The following TMEM232 variants were observed in gnomAD, a reference collection of about 807,000 sequenced individuals.
TMEM232 encodes the protein transmembrane protein 232.
A neutral mutation model predicts 78.8 loss-of-function variants in TMEM232; 80 were observed. That is an observed-to-expected ratio of 1.01 (90% CI 0.85 to 1.22). The LOEUF is 1.22. TMEM232 is among the 50% of genes most tolerant of loss of function. The probability of loss-of-function intolerance (pLI) is 0.00; values close to 1 mark genes in which losing one functional copy is unlikely to be tolerated. For synonymous variants in TMEM232, 297 were observed against 254.3 expected, an observed-to-expected ratio of 1.17 and a Z score of -1.60; for missense variants, 881 against 742.2, an observed-to-expected ratio of 1.19 and a Z score of -2.17.
At chr5:110,694,487 A>C (rs943203906) in intron 1 of TMEM232, among the ~76,000 whole-genome samples, 1 of 152,310 alleles carries the variant, frequency 6.6e-6, no homozygotes. Flanking sequence ...GCTAAATGCT[A>C]CAATTAAAAG....
Position 110,673,982 on chromosome 5 carries a change from G to T in TMEM232, c.-12-6618C>A, listed in dbSNP as rs541515212. 8.1e-4 allele frequency among the ~76,000 whole-genome samples: 94 copies of T among 115,748 alleles called. 2 individuals are homozygous for T. In the South Asian group the frequency reaches 0.032, roughly 39 times the overall value. The allele number at this position is 115,748 out of a possible 152,430, so 75.9% of individuals were successfully genotyped here. A position where few individuals can be genotyped will look rare whatever the true frequency, so the allele number is the denominator to read the frequency against. ...AAACTTGTTAAGATCAAAATAAAGA[G>T]GTAACATGAAAAAAAAAAAAAAAGC... is the stretch of plus-strand genomic sequence containing the variant. On this transcript the variant is annotated intron_variant, in intron 1 of 13. Coordinates refer to ENST00000455884, the MANE Select transcript of TMEM232 (RefSeq NM_001039763.4).
chr5:110,610,229 A>AGGG (rs1281135877), intron 8 of TMEM232, among the ~76,000 whole-genome samples: 4 of 15,756 alleles, frequency 2.5e-4, no homozygotes, highest in African/African-American at 4.1e-4. Flanking sequence ...GGAGGGAGGG[A>AGGG]AAAAGAAAGG....
At chr5:110,405,846 G>A (rs375833502) in intron 2 of TMEM232, among the ~76,000 whole-genome samples, 6 of 150,832 alleles carry the variant, frequency 4.0e-5, no homozygotes, top group African/African-American at 1.2e-4. Context: ...AGAAAAAATA[G>A]AACATATTTT....
At chr5:110,685,848 G>A (rs1793330885) in intron 1 of TMEM232, among the ~76,000 whole-genome samples, 1 of 152,084 alleles carries the variant, frequency 6.6e-6, no homozygotes, top group African/African-American at 2.4e-5. Context: ...GCAACGACAT[G>A]CATAAATCTC....
In TMEM232 at chr5:110,485,129, C is replaced by A. The variant is rs1443710084; in HGVS notation, c.1703+43459G>T. On this transcript the variant is annotated intron_variant, in intron 12 of 13. Transcript: ENST00000455884. Reference sequence around the variant, plus strand: ...ACCATTTGATCCAGGAATCCTACTACCCAGAAGAAAAGAAGTCATTTTCCA... The same window carrying A: ...ACCATTTGATCCAGGAATCCTACTAACCAGAAGAAAAGAAGTCATTTTCCA... 6.6e-5 allele frequency among the ~76,000 whole-genome samples: 10 copies of A among 152,132 alleles called. No homozygotes were observed. In the East Asian group the frequency reaches 1.9e-3, roughly 29 times the overall value.
chr5:110,633,269 T>C (rs1785377643), intron 5 of TMEM232, among the ~76,000 whole-genome samples: 1 of 152,042 alleles, frequency 6.6e-6, no homozygotes, highest in African/African-American at 2.4e-5. Flanking sequence ...AAGATGATAG[T>C]TATTATCATG....
chr5:110,512,452 T>C (rs1341013462), intron 12 of TMEM232, among the ~76,000 whole-genome samples: 1 of 152,158 alleles, frequency 6.6e-6, no homozygotes, highest in African/African-American at 2.4e-5. Context: ...CCTACCACAA[T>C]GACTTCACAC....
At chr5:110,665,939 T>C (rs571946254) in intron 2 of TMEM232, among the ~76,000 whole-genome samples, 1 of 150,254 alleles carries the variant, frequency 6.7e-6, no homozygotes, top group Non-Finnish European at 1.5e-5. Flanking sequence ...CATACTGGCA[T>C]GTGCCCGTGG....
At chr5:110,602,905 T>A (rs1781121867) in intron 10 of TMEM232, among the ~76,000 whole-genome samples, 1 of 152,124 alleles carries the variant, frequency 6.6e-6, no homozygotes. Context: ...TGCCCATCAA[T>A]AATTGACTGG....
At chr5:110,462,522 G>A (rs138970383) in intron 12 of TMEM232, among the ~76,000 whole-genome samples, 3,118 of 152,222 alleles carry the variant, frequency 0.02, 74 homozygotes, top group African/African-American at 0.058. Flanking sequence ...TTTCTCCCGT[G>A]CTGGATGCTT....
chr5:110,480,945 C>T (rs1199017171), intron 12 of TMEM232, among the ~76,000 whole-genome samples: 1 of 151,916 alleles, frequency 6.6e-6, no homozygotes, highest in African/African-American at 2.4e-5. Flanking sequence ...TCATTTTATA[C>T]TATAAATTAT....
At chr5:110,638,538 A>C (rs1285627332) in intron 4 of TMEM232, among the ~76,000 whole-genome samples, 183 bp from the exon 5 acceptor site, 1 of 152,170 alleles carries the variant, frequency 6.6e-6, no homozygotes, top group Non-Finnish European at 1.5e-5. Flanking sequence ...CTTCTCCTTA[A>C]ACTTGAGCAG....
At chr5:110,487,073 T>C (rs1764543949) in intron 12 of TMEM232, among the ~76,000 whole-genome samples, 1 of 152,014 alleles carries the variant, frequency 6.6e-6, no homozygotes. Context: ...TTTGTAGCTA[T>C]TGTAAAGAAG....
chr5:110,724,763 T>C (rs923041046), intron 1 of TMEM232, among the ~76,000 whole-genome samples: 1 of 152,190 alleles, frequency 6.6e-6, no homozygotes, highest in Non-Finnish European at 1.5e-5. Flanking sequence ...AGAAAGGAAC[T>C]CTAAAAAAGA....
Position 110,702,374 on chromosome 5 carries a change from CT to C in TMEM232, c.-13+24252del, listed in dbSNP as rs112555507. On this transcript the variant is annotated intron_variant, in intron 1 of 13. Coordinates refer to ENST00000455884, the MANE Select transcript of TMEM232 (RefSeq NM_001039763.4). ...AGCATACCCCCTTGTCTGAGGGCCA[CT>C]TTAGCCATTGCCATGCTCCTTAAGG... Among the ~76,000 whole-genome samples the C allele has an allele frequency of 1.0e-2, 1,517 of 152,064 alleles. 14 individuals carry two copies. The highest frequency in any genetic ancestry group is 0.034 in the African/African-American group (1,421 of 41,544).
At chr5:110,522,352 A>G (rs555402161) in intron 12 of TMEM232, among the ~76,000 whole-genome samples, 107 of 152,288 alleles carry the variant, frequency 7.0e-4, no homozygotes, top group African/African-American at 2.5e-3. Context: ...ATATAAGGTC[A>G]TATCACCTGA....
intron 12 of TMEM232, among the ~76,000 whole-genome samples, chr5:110,509,257 TTGTC>T (rs1356836088): frequency 6.6e-6 from 1 of 151,298 alleles, no homozygotes; most frequent in African/African-American, 2.4e-5. Context: ...CAGCAACACT[TTGTC>T]TGTACAAAAA....
chr5:110,437,900 G>A (rs1758608910), intron 12 of TMEM232, among the ~76,000 whole-genome samples: 1 of 152,046 alleles, frequency 6.6e-6, no homozygotes, highest in African/African-American at 2.4e-5. Flanking sequence ...ATTGCCTAAG[G>A]AATATCTCAG....
intron 1 of TMEM232, among the ~76,000 whole-genome samples, chr5:110,689,837 C>T (rs1340356536): frequency 6.6e-6 from 1 of 152,144 alleles, no homozygotes; most frequent in Non-Finnish European, 1.5e-5. Flanking sequence ...TGCCACACAT[C>T]TACAACCATC....
Sources: gnomAD v4.1 joint callset for allele counts (sites outside exome capture counted in the v4.1 genomes callset) on GRCh38, gnomAD v4.1.1 for gene constraint, MANE v1.5 for transcripts, NCBI Gene and HGNC (gene_info 2026-07-23, HGNC 2026-07-21) for gene names.